Variants in TRAPPC6A observed in about 807,000 individuals in gnomAD.
TRAPPC6A encodes the protein TRAPP complex subunit 6A.
In TRAPPC6A, 25 loss-of-function variants were observed where a neutral mutation model predicts 20.8. The ratio of observed to expected loss-of-function variants is 1.20; its 90% CI spans 0.88 to 1.68. The LOEUF (loss-of-function observed/expected upper bound fraction) is 1.68. Among genes scored for constraint, TRAPPC6A ranks in the 40% most tolerant of loss-of-function variants. TRAPPC6A has a pLI of 0.00. For synonymous variants in TRAPPC6A, 96 were observed against 93.3 expected (o/e 1.03, Z -0.16); for missense variants, 215 against 211.6 (o/e 1.02, Z -0.10).
At chr19:45,176,616 C>G (rs1969381152) in intron 1 of TRAPPC6A, among the ~76,000 whole-genome samples, 1 of 151,832 alleles carries the variant, frequency 6.6e-6, no homozygotes, top group South Asian at 2.1e-4. Flanking sequence ...CCACATCTGG[C>G]TAAATGCATT....
Position 45,177,876 on chromosome 19 carries a change from G to C in TRAPPC6A, c.84+259C>G, listed in dbSNP as rs7253652. On this transcript the variant is annotated intron_variant, in intron 1 of 5. Transcript: ENST00000585934. ...AGTCCTCAGCACACGCCCAATAACA[G>C]CATTATTATGATTACTAGCCGCTTA... 0.088 allele frequency among the ~76,000 whole-genome samples: 13,333 copies of C among 152,272 alleles called. 862 individuals are homozygous for C. The highest frequency in any genetic ancestry group is 0.13 in the Non-Finnish European group (8,639 of 68,010).
chr19:45,169,341 G>A (rs1273169997), intron 1 of TRAPPC6A, among the ~76,000 whole-genome samples: 1 of 152,200 alleles, frequency 6.6e-6, no homozygotes, highest in East Asian at 1.9e-4. Flanking sequence ...CTGTCACCCA[G>A]GCTGGAGTGC....
chr19:45,169,145 G>A (rs1008756240), intron 1 of TRAPPC6A, among the ~76,000 whole-genome samples: 1 of 152,216 alleles, frequency 6.6e-6, no homozygotes, highest in Non-Finnish European at 1.5e-5. Context: ...AGTGGGAAGA[G>A]ACCCCTGCCC....
chr19:45,175,260 C>CA (rs35729001), intron 1 of TRAPPC6A, among the ~76,000 whole-genome samples: 7,448 of 103,268 alleles, frequency 0.072, 337 homozygotes, highest in Middle Eastern at 0.14. Flanking sequence ...GACTCTGTCT[C>CA]AAAAAAAAAA....
chr19:45,165,291 G>T, intron 1 of TRAPPC6A, 97 bp from the exon 2 acceptor site: 1 of 1,174,528 alleles, frequency 8.5e-7, no homozygotes, highest in Non-Finnish European at 1.2e-6. Context: ...AGACCAACTT[G>T]CTGGTGCTCG....
intron 1 of TRAPPC6A, among the ~76,000 whole-genome samples, chr19:45,174,057 T>C (rs12460041): frequency 0.1 from 15,952 of 152,180 alleles, 1,004 homozygotes; most frequent in African/African-American, 0.14. Flanking sequence ...ATTAAAATCC[T>C]TCCCAGGGCA....
intron 1 of TRAPPC6A, among the ~76,000 whole-genome samples, chr19:45,168,169 A>AT (rs374066208): frequency 4.0e-4 from 60 of 151,776 alleles, no homozygotes; most frequent in African/African-American, 1.3e-3. Flanking sequence ...CGCCCAGCTA[A>AT]TTTTTTTGTA....
Position 45,163,230 on chromosome 19 carries a change from G to A in TRAPPC6A, c.449-7C>T, listed in dbSNP as rs370760098. 6.8e-6 allele frequency: 11 copies of A among 1,613,808 alleles called. No individual in the cohort carries two copies. The African/African-American group carries it at 1.3e-4, about 20-fold the overall frequency. ...ATCACCACCTGGAACTTACCTGGAA[G>A]AGAAGGCCTGGCTTAGGCTTGAGGA... On this transcript the variant is annotated splice_region_variant and splice_polypyrimidine_tract_variant and intron_variant, in intron 5 of 5. Transcript: ENST00000585934. This position sits in a 1 kb window ranked among gnomAD's most constrained non-coding sequence, Gnocchi z 5.3.
chr19:45,171,612 A>G (rs1306592800), intron 1 of TRAPPC6A, among the ~76,000 whole-genome samples: 1 of 152,210 alleles, frequency 6.6e-6, no homozygotes, highest in Non-Finnish European at 1.5e-5. Context: ...AATAACAGAG[A>G]AACCTGTAAG....
chr19:45,176,845 A>G (rs1204437244), intron 1 of TRAPPC6A, among the ~76,000 whole-genome samples: 1 of 150,362 alleles, frequency 6.7e-6, no homozygotes, highest in East Asian at 2.0e-4. Context: ...CAGCCTGGCC[A>G]AAATGGTGAA....
At chr19:45,176,343 A>G (rs982313898) in intron 1 of TRAPPC6A, among the ~76,000 whole-genome samples, 1 of 151,530 alleles carries the variant, frequency 6.6e-6, no homozygotes, top group Non-Finnish European at 1.5e-5. Context: ...AGGCACCTGT[A>G]GTCCCAACTA....
In TRAPPC6A at chr19:45,177,191, G is replaced by GCGCACA. The variant is rs61484972; in HGVS notation, c.84+943_84+944insTGTGCG. On this transcript the variant is annotated intron_variant, in intron 1 of 5. Transcript: ENST00000585934. ...GCGACCGAGCAGGATGCGCGTGCGCGCACACACACACACACACACACACAC... is the reference window on the plus strand; with the variant it reads ...GCGACCGAGCAGGATGCGCGTGCGCGCGCACACACACACACACACACACACACACAC... Among the ~76,000 whole-genome samples, 750 of 147,990 alleles carry GCGCACA rather than the reference G, an allele frequency of 5.1e-3. 2 individuals carry two copies. The highest frequency in any genetic ancestry group is 0.014 in the Admixed American group (210 of 14,828).
intron 3 of TRAPPC6A, 52 bp downstream of exon 3, chr19:45,164,801 C>G (rs908148450): frequency 6.4e-7 from 1 of 1,551,256 alleles, no homozygotes; most frequent in Admixed American, 1.7e-5. Context: ...CTCCCACTCT[C>G]TTGGTCTTGC....
At chr19:45,169,408 T>C (rs1969224695) in intron 1 of TRAPPC6A, among the ~76,000 whole-genome samples, 1 of 152,200 alleles carries the variant, frequency 6.6e-6, no homozygotes, top group South Asian at 2.1e-4. Flanking sequence ...GTGATCCTCC[T>C]ACCTCTGCCT....
intron 1 of TRAPPC6A, among the ~76,000 whole-genome samples, chr19:45,168,790 C>T (rs1599735074): frequency 2.6e-5 from 4 of 152,066 alleles, no homozygotes; most frequent in Admixed American, 6.5e-5. Context: ...ACCCTCAGCA[C>T]GGGACTGTCT....
chr19:45,177,222 C>T (rs1055114218), intron 1 of TRAPPC6A, among the ~76,000 whole-genome samples: 1 of 145,696 alleles, frequency 6.9e-6, no homozygotes, highest in Non-Finnish European at 1.5e-5. Context: ...CACACACAGT[C>T]CCGGGCCAGT....
intron 1 of TRAPPC6A, 123 bp downstream of exon 1, chr19:45,178,012 G>C (rs752331547): frequency 3.9e-6 from 6 of 1,527,706 alleles, no homozygotes; most frequent in Non-Finnish European, 5.3e-6. Flanking sequence ...GCCAGGGCCA[G>C]ACGTTGCCCT....
At position 45,165,351 on chromosome 19, in the gene TRAPPC6A, AG is replaced by A. The variant is rs1036429760; in HGVS notation, c.85-158del. On this transcript the variant is annotated intron_variant, in intron 1 of 5. Coordinates refer to ENST00000585934, the MANE Select transcript of TRAPPC6A (RefSeq NM_001270891.2). Reference sequence around the variant, plus strand: ...GGCTCTGGCACAGCCCGGCCAGGGCAGGGGCAGGCCTCTAGGGTGCTGGGGC... The same window carrying A: ...GGCTCTGGCACAGCCCGGCCAGGGCAGGGCAGGCCTCTAGGGTGCTGGGGC... Among the ~76,000 whole-genome samples the A allele has an allele frequency of 2.2e-3, 340 of 152,324 alleles. 2 individuals carry two copies. The highest frequency in any genetic ancestry group is 7.9e-3 in the African/African-American group (328 of 41,574).
chr19:45,171,293 C>T (rs952147383), intron 1 of TRAPPC6A, among the ~76,000 whole-genome samples: 6 of 113,728 alleles, frequency 5.3e-5, no homozygotes, highest in Non-Finnish European at 1.1e-4. Flanking sequence ...CAGAGCGAGA[C>T]TCAGTCACAA....
Sources: allele counts gnomAD v4.1 joint callset (sites outside exome capture counted in the v4.1 genomes callset), GRCh38; gene constraint gnomAD v4.1.1; non-coding constraint Gnocchi (gnomAD v3.1); transcripts MANE v1.5; gene names NCBI Gene and HGNC (gene_info 2026-07-23, HGNC 2026-07-21).